CLIC5: variants seen among roughly 807,000 people sequenced by gnomAD.
The protein encoded by CLIC5 is CLIC family member 5.
A neutral mutation model predicts 24.7 loss-of-function variants in CLIC5; 20 were observed. That is an observed-to-expected ratio of 0.81 (90% CI 0.57 to 1.18). The LOEUF is 1.18. Ranked by LOEUF, CLIC5 falls within the 50% of genes most tolerant of loss-of-function variation. The probability of loss-of-function intolerance (pLI) is 0.00; values close to 1 mark genes in which losing one functional copy is unlikely to be tolerated. For synonymous variants in CLIC5, 159 were observed against 135.6 expected (o/e 1.17, Z -1.20); for missense variants, 341 against 326.1 (o/e 1.05, Z -0.35).
intron 1 of CLIC5, among the ~76,000 whole-genome samples, chr6:46,071,405 C>A (rs1158478813): frequency 2.0e-5 from 3 of 151,482 alleles, no homozygotes; most frequent in African/African-American, 4.9e-5. Context: ...AAGAAAAAAA[C>A]AATCCCATTA....
chr6:46,009,838 G>A (rs1267355789), intron 1 of CLIC5, among the ~76,000 whole-genome samples: 3 of 152,196 alleles, frequency 2.0e-5, no homozygotes, highest in Admixed American at 2.0e-4. Flanking sequence ...TCTTGGATGA[G>A]GGAGCAACTG....
intron 1 of CLIC5, among the ~76,000 whole-genome samples, chr6:45,993,380 ACAAT>A (rs1432753776): frequency 1.6e-4 from 24 of 152,348 alleles, no homozygotes; most frequent in Admixed American, 2.6e-4. Flanking sequence ...ACTTTATTCA[ACAAT>A]CAATCAAGCT....
At chr6:45,970,238 CTG>C (rs1461456612) in intron 1 of CLIC5, among the ~76,000 whole-genome samples, 2 of 152,186 alleles carry the variant, frequency 1.3e-5, no homozygotes, top group East Asian at 1.9e-4. Flanking sequence ...ACAGTGAAGA[CTG>C]TGGTTAGTCC....
At chr6:45,948,799 C>A (rs1438097333) in intron 3 of CLIC5, among the ~76,000 whole-genome samples, 3 of 152,066 alleles carry the variant, frequency 2.0e-5, no homozygotes, top group Non-Finnish European at 4.4e-5. Context: ...GGACTCAGAC[C>A]AGATTTGGTC....
intron 4 of CLIC5, chr6:45,919,216 C>T (rs769571184): frequency 8.5e-6 from 5 of 591,344 alleles, no homozygotes; most frequent in African/African-American, 2.0e-5. Flanking sequence ...CCCCTCCTTG[C>T]TCTCCTTCCT....
chr6:45,958,379 T>C (rs1334848347), intron 1 of CLIC5, among the ~76,000 whole-genome samples: 4 of 141,998 alleles, frequency 2.8e-5, no homozygotes, highest in Non-Finnish European at 4.5e-5. Flanking sequence ...TGTATAGCAA[T>C]TTCTTGGAAA....
the CLIC5 span, among the ~76,000 whole-genome samples, chr6:46,101,261 T>C: frequency 6.6e-6 from 1 of 152,320 alleles, no homozygotes; most frequent in Admixed American, 6.5e-5. Flanking sequence ...CAAAGGGGTA[T>C]AAAATAATCT....
the CLIC5 span, among the ~76,000 whole-genome samples, chr6:46,099,541 C>A: frequency 6.6e-6 from 1 of 152,136 alleles, no homozygotes; most frequent in Non-Finnish European, 1.5e-5. Flanking sequence ...ACAAAGCTGT[C>A]ATTTGCAGTA....
the CLIC5 span, among the ~76,000 whole-genome samples, chr6:46,086,609 T>A: frequency 6.6e-6 from 1 of 152,208 alleles, no homozygotes; most frequent in Admixed American, 6.5e-5. Flanking sequence ...AATTTTATGC[T>A]CATAGGATGA....
chr6:46,085,813 A>T, the CLIC5 span, among the ~76,000 whole-genome samples: 224 of 152,336 alleles, frequency 1.5e-3, no homozygotes, highest in African/African-American at 5.2e-3. Context: ...AGGTTACTGC[A>T]GTCTTTTTGT....
chr6:45,925,294 C>T (rs6939554), intron 4 of CLIC5, among the ~76,000 whole-genome samples: 45,767 of 150,780 alleles, frequency 0.3, 7,111 homozygotes, highest in East Asian at 0.47. Context: ...GTATTGCCAA[C>T]ATGCCAACAT....
At chr6:46,042,414 A>G (rs1264414369) in intron 1 of CLIC5, among the ~76,000 whole-genome samples, 1 of 152,008 alleles carries the variant, frequency 6.6e-6, no homozygotes, top group Non-Finnish European at 1.5e-5. Context: ...TTCAAAATAA[A>G]TTTATTTAAA....
chr6:45,922,789 T>C (rs146330456), intron 4 of CLIC5, among the ~76,000 whole-genome samples: 1 of 148,798 alleles, frequency 6.7e-6, no homozygotes, highest in Non-Finnish European at 1.5e-5. Context: ...TGTTTATTTA[T>C]CAACAGGAGA....
chr6:45,998,482 C>A (rs554408739), intron 1 of CLIC5, among the ~76,000 whole-genome samples: 2 of 152,306 alleles, frequency 1.3e-5, no homozygotes, highest in East Asian at 3.9e-4. Context: ...GGGCTTCCAC[C>A]TGAGGACTCG....
chr6:46,031,937 TATACACACAC>T (rs1767514374), intron 1 of CLIC5, among the ~76,000 whole-genome samples: 1 of 138,662 alleles, frequency 7.2e-6, no homozygotes, highest in Non-Finnish European at 1.6e-5. Context: ...TATATATATA[TATACACACAC>T]ACACACACAC....
At chr6:46,111,339 A>C in the CLIC5 span, among the ~76,000 whole-genome samples, 1 of 152,230 alleles carries the variant, frequency 6.6e-6, no homozygotes. Flanking sequence ...AATCTGTCAG[A>C]TAGCCCCTGC....
chr6:45,933,587 T>C (rs914872895), intron 4 of CLIC5, among the ~76,000 whole-genome samples: 2 of 152,220 alleles, frequency 1.3e-5, no homozygotes, highest in African/African-American at 4.8e-5. Context: ...ACAAGTATTT[T>C]AGGAAGAGTA....
At chr6:46,018,216 C>T (rs541547075), upstream of CLIC5, among the ~76,000 whole-genome samples, 8 of 152,204 alleles carry the variant, frequency 5.3e-5, no homozygotes, top group South Asian at 6.2e-4. Flanking sequence ...AAAATGTCTT[C>T]GAGGGTTTTG....
At chr6:45,909,871 G>A (rs909049907) in intron 5 of CLIC5, among the ~76,000 whole-genome samples, 3 of 152,120 alleles carry the variant, frequency 2.0e-5, no homozygotes, top group African/African-American at 7.2e-5. Flanking sequence ...TTGACCCTGG[G>A]ATCCTCCCAT....
Sources: allele counts gnomAD v4.1 joint callset (sites outside exome capture counted in the v4.1 genomes callset), GRCh38; gene constraint gnomAD v4.1.1; transcripts MANE v1.5; gene names NCBI Gene and HGNC (gene_info 2026-07-23, HGNC 2026-07-21).